The following FBXO21 variants were observed in gnomAD, a reference collection of about 807,000 sequenced individuals.
The protein encoded by FBXO21 is F-box protein 21.
Under a neutral mutation model 76.6 loss-of-function variants are expected in FBXO21, and 32 were observed. The observed-to-expected ratio is 0.42, with a 90% CI of 0.32 to 0.56. FBXO21 has a LOEUF of 0.56. Ranked by LOEUF, FBXO21 falls within the 20% of genes least tolerant of loss-of-function variation. The pLI is 0.16. For synonymous variants in FBXO21, 328 were observed against 311.5 expected, an observed-to-expected ratio of 1.05 and a Z score of -0.56; for missense variants, 586 against 797.3, an observed-to-expected ratio of 0.73 and a Z score of 3.19.
At chr12:117,152,462 C>CAA (rs5801220) in intron 11 of FBXO21, among the ~76,000 whole-genome samples, 53 of 103,824 alleles carry the variant, frequency 5.1e-4, no homozygotes, top group African/African-American at 1.6e-3. Flanking sequence ...CACCCTGTCT[C>CAA]AAAAAAAAAA....
chr12:117,154,215 A>G (rs1371918534), intron 11 of FBXO21: 1 of 152,248 alleles, frequency 6.6e-6, no homozygotes, highest in African/African-American at 2.4e-5. Flanking sequence ...CAAAAGTTAA[A>G]TAACATTACC....
intron 11 of FBXO21, among the ~76,000 whole-genome samples, chr12:117,147,482 C>T (rs1172026202): frequency 1.3e-5 from 2 of 149,006 alleles, no homozygotes; most frequent in Non-Finnish European, 3.0e-5. Flanking sequence ...GTCTGTAATC[C>T]CAGTTACTTG....
At chr12:117,152,378 A>T (rs537221465) in intron 11 of FBXO21, among the ~76,000 whole-genome samples, 24 of 152,098 alleles carry the variant, frequency 1.6e-4, no homozygotes, top group African/African-American at 5.8e-4. Flanking sequence ...AGATAGGAGG[A>T]TCAATTGAGC....
At chr12:117,165,725 T>G in intron 8 of FBXO21, 108 bp from the exon 9 acceptor site, 19 of 1,080,670 alleles carry the variant, frequency 1.8e-5, no homozygotes, top group Non-Finnish European at 2.3e-5. Flanking sequence ...CCCAAACGTT[T>G]TCTGATTCTG....
At chr12:117,147,787 C>A (rs1955793764) in intron 11 of FBXO21, among the ~76,000 whole-genome samples, 1 of 152,104 alleles carries the variant, frequency 6.6e-6, no homozygotes, top group Admixed American at 6.5e-5. Context: ...GCAGGAGAAG[C>A]CCAGCTATGC....
At chr12:117,186,139 A>G (rs964062491) in intron 3 of FBXO21, among the ~76,000 whole-genome samples, 3 of 152,172 alleles carry the variant, frequency 2.0e-5, no homozygotes, top group African/African-American at 7.2e-5. Flanking sequence ...GGCCTCCCAA[A>G]GTGCTGGGAT....
In FBXO21 at chr12:117,189,207, C is replaced by A; in HGVS notation, c.375+20G>T. 1.9e-6 allele frequency: 3 copies of A among 1,614,118 alleles called. No homozygotes were observed. Among genetic ancestry groups the A allele is most frequent in the Non-Finnish European group, 2.5e-6 (3 of 1,180,008 alleles). On this transcript the variant is annotated intron_variant, in intron 2 of 11. Coordinates refer to ENST00000622495, the MANE Select transcript of FBXO21 (RefSeq NM_015002.3). ...TACACCAGCAAGCCAAAGCTTAGAG[C>A]CACATCAACAGATCCTTACGTGCTC...
At chr12:117,164,114 T>A (rs11068381) in intron 9 of FBXO21, among the ~76,000 whole-genome samples, 3 of 141,906 alleles carry the variant, frequency 2.1e-5, no homozygotes, top group Admixed American at 7.1e-5. Flanking sequence ...AAAAAAAAAA[T>A]TAAAATACAT....
At position 117,163,716 on chromosome 12, in the gene FBXO21, G is replaced by A. The variant is rs1956013383; in HGVS notation, c.1326+1769C>T. Reference sequence around the variant, plus strand: ...CCAGCACTTTGGGAGGCCGAGGAACGCAGACTGCTTGAGGTCAGGAGTTCG... The same window carrying A: ...CCAGCACTTTGGGAGGCCGAGGAACACAGACTGCTTGAGGTCAGGAGTTCG... On this transcript the variant is annotated intron_variant, in intron 9 of 11. Coordinates refer to ENST00000622495, the MANE Select transcript of FBXO21 (RefSeq NM_015002.3). Among the ~76,000 whole-genome samples, 4 of 152,188 alleles carry A rather than the reference G, an allele frequency of 2.6e-5. No homozygotes were observed. In the South Asian group the frequency reaches 6.2e-4, roughly 24 times the overall value.
chr12:117,166,823 G>T, intron 8 of FBXO21, 75 bp downstream of exon 8: 1 of 1,310,022 alleles, frequency 7.6e-7, no homozygotes, highest in Non-Finnish European at 1.1e-6. Flanking sequence ...AAGTCACTTG[G>T]CACATCTCAA....
At chr12:117,160,009 A>C (rs567801739) in intron 9 of FBXO21, among the ~76,000 whole-genome samples, 28 of 152,292 alleles carry the variant, frequency 1.8e-4, no homozygotes, top group Non-Finnish European at 3.4e-4. Flanking sequence ...CTAGGGCTAG[A>C]ATGCCGCAAG....
intron 3 of FBXO21, among the ~76,000 whole-genome samples, chr12:117,184,667 C>T (rs1956265732): frequency 6.6e-6 from 1 of 152,202 alleles, no homozygotes; most frequent in Admixed American, 6.5e-5. Flanking sequence ...GCAGGACAAT[C>T]TCTTGGACCC....
chr12:117,168,156 G>A (rs1184314067), intron 7 of FBXO21, among the ~76,000 whole-genome samples: 2 of 152,128 alleles, frequency 1.3e-5, no homozygotes, highest in African/African-American at 2.4e-5. Flanking sequence ...ACTACAAATC[G>A]TAGCATATTC....
intron 11 of FBXO21, 179 bp downstream of exon 11, chr12:117,155,612 G>A (rs1489172136): frequency 1.4e-6 from 1 of 691,106 alleles, no homozygotes; most frequent in East Asian, 2.7e-5. Context: ...CGCCAGGGCG[G>A]CACCTGTGCA....
intron 10 of FBXO21, among the ~76,000 whole-genome samples, chr12:117,156,632 A>G (rs1955918555): frequency 6.6e-6 from 1 of 152,210 alleles, no homozygotes; most frequent in Non-Finnish European, 1.5e-5. Context: ...TGGAGGGTGC[A>G]GGGGACAGTA....
chr12:117,189,093 G>T, intron 2 of FBXO21, 134 bp downstream of exon 2: 1 of 956,148 alleles, frequency 1.0e-6, no homozygotes, highest in Non-Finnish European at 1.6e-6. Context: ...GACTCTTGCA[G>T]CCATCTAAGT....
intron 2 of FBXO21, 52 bp from the exon 3 acceptor site, chr12:117,186,623 T>C (rs1425636338): frequency 9.8e-6 from 11 of 1,119,962 alleles, no homozygotes; most frequent in Admixed American, 2.0e-5. Flanking sequence ...TTGATGCAAC[T>C]CTCACTCTCA....
chr12:117,185,770 T>G (rs1327051226), intron 3 of FBXO21, among the ~76,000 whole-genome samples: 1 of 152,228 alleles, frequency 6.6e-6, no homozygotes, highest in Admixed American at 6.5e-5. Context: ...AAGACATGCC[T>G]AAGAAATTAT....
At chr12:117,175,859 A>G (rs1375065868) in intron 4 of FBXO21, among the ~76,000 whole-genome samples, 1 of 152,214 alleles carries the variant, frequency 6.6e-6, no homozygotes, top group Non-Finnish European at 1.5e-5. Flanking sequence ...ACTGATGTGG[A>G]AGTTCTTTGA....
Sources: allele counts gnomAD v4.1 joint callset (sites outside exome capture counted in the v4.1 genomes callset), GRCh38; gene constraint gnomAD v4.1.1; transcripts MANE v1.5; gene names NCBI Gene and HGNC (gene_info 2026-07-23, HGNC 2026-07-21).